Variants in TMEM17 observed in about 807,000 individuals in gnomAD.
TMEM17 encodes transmembrane protein 17.
A neutral mutation model predicts 19.1 loss-of-function variants in TMEM17; 15 were observed. The observed-to-expected ratio is 0.78, with a 90% CI of 0.52 to 1.21. TMEM17 has a LOEUF of 1.21. Ranked by LOEUF, TMEM17 falls within the 50% of genes most tolerant of loss-of-function variation. The pLI is 0.00. For missense variants in TMEM17, 245 were observed against 242.3 expected (o/e 1.01, Z -0.07); for synonymous variants, 103 against 86.9 (o/e 1.19, Z -1.03).
chr2:62,483,065 T>G, the TMEM17 span, among the ~76,000 whole-genome samples: 31 of 152,342 alleles, frequency 2.0e-4, no homozygotes, highest in African/African-American at 6.7e-4. Flanking sequence ...GAGTTATGTC[T>G]AATACGAAGG....
chr2:62,481,291 T>C, the TMEM17 span, among the ~76,000 whole-genome samples: 2 of 152,234 alleles, frequency 1.3e-5, no homozygotes, highest in African/African-American at 4.8e-5. Context: ...ATTTATTTTG[T>C]GCCCTGCAAC....
the TMEM17 span, among the ~76,000 whole-genome samples, chr2:62,473,162 C>G: frequency 6.6e-6 from 1 of 152,198 alleles, no homozygotes; most frequent in Non-Finnish European, 1.5e-5. Flanking sequence ...TATTATGCAT[C>G]AGGCACTGTT....
chr2:62,499,628 A>G (rs1489880581), downstream of TMEM17, among the ~76,000 whole-genome samples: 4 of 152,208 alleles, frequency 2.6e-5, no homozygotes, highest in Non-Finnish European at 5.9e-5. Context: ...GGAAGTAAAG[A>G]CATTTTTTGA....
the TMEM17 span, among the ~76,000 whole-genome samples, chr2:62,465,276 G>A: frequency 5.5e-4 from 84 of 152,192 alleles, no homozygotes; most frequent in Non-Finnish European, 9.8e-4. Flanking sequence ...ATTTTGCAAT[G>A]GCAGTTTCAT....
the TMEM17 span, among the ~76,000 whole-genome samples, chr2:62,485,578 A>G: frequency 6.6e-6 from 1 of 152,208 alleles, no homozygotes; most frequent in Non-Finnish European, 1.5e-5. Context: ...CTTGCTTTAT[A>G]CAACAGAAGA....
chr2:62,458,101 G>C, the TMEM17 span, among the ~76,000 whole-genome samples: 1 of 152,158 alleles, frequency 6.6e-6, no homozygotes, highest in Non-Finnish European at 1.5e-5. Flanking sequence ...CTGCAGATGG[G>C]GAAGCTAACA....
chr2:62,471,217 G>C, the TMEM17 span, among the ~76,000 whole-genome samples: 3 of 152,264 alleles, frequency 2.0e-5, no homozygotes, highest in Non-Finnish European at 4.4e-5. Flanking sequence ...AAAATGTCCT[G>C]GCCCGTCTTG....
chr2:62,498,343 C>T (rs1228219034), downstream of TMEM17, among the ~76,000 whole-genome samples: 2 of 151,636 alleles, frequency 1.3e-5, no homozygotes, highest in Non-Finnish European at 2.9e-5. Context: ...GCCGAGATCA[C>T]GCCACTGCAC....
At chr2:62,494,843 C>T in the TMEM17 span, among the ~76,000 whole-genome samples, 1 of 151,474 alleles carries the variant, frequency 6.6e-6, no homozygotes, top group South Asian at 2.1e-4. Context: ...CTCTACTAAA[C>T]ACACACACAC....
At chr2:62,455,959 T>A in the TMEM17 span, among the ~76,000 whole-genome samples, 1 of 152,218 alleles carries the variant, frequency 6.6e-6, no homozygotes, top group Non-Finnish European at 1.5e-5. Context: ...TGCTAATGAT[T>A]TTGTGCATTT....
chr2:62,494,910 G>A, the TMEM17 span, among the ~76,000 whole-genome samples: 2 of 152,186 alleles, frequency 1.3e-5, no homozygotes, highest in African/African-American at 2.4e-5. Context: ...CAGCTACCGG[G>A]AGGCTGAGGC....
the TMEM17 span, among the ~76,000 whole-genome samples, chr2:62,475,250 C>A: frequency 3.9e-5 from 6 of 152,216 alleles, no homozygotes; most frequent in Non-Finnish European, 1.5e-5. Flanking sequence ...AGCACAGATG[C>A]TAATTTGGGA....
chr2:62,468,915 C>T, the TMEM17 span, among the ~76,000 whole-genome samples: 1 of 152,156 alleles, frequency 6.6e-6, no homozygotes, highest in African/African-American at 2.4e-5. Context: ...CAAAGGTAAC[C>T]TAGAAGCCCA....
chr2:62,457,312 C>T, the TMEM17 span, among the ~76,000 whole-genome samples: 7 of 152,198 alleles, frequency 4.6e-5, no homozygotes, highest in Non-Finnish European at 1.0e-4. This position sits in a 1 kb window ranked among gnomAD's most constrained non-coding sequence, Gnocchi z 4.2. Flanking sequence ...CAGAGACTGC[C>T]TTGGGTGTGG....
the TMEM17 span, among the ~76,000 whole-genome samples, chr2:62,460,069 T>C: frequency 6.6e-6 from 1 of 152,232 alleles, no homozygotes; most frequent in Non-Finnish European, 1.5e-5. Context: ...TCATGCCTGT[T>C]ACTGTGAGTA....
intron 1 of TMEM17, among the ~76,000 whole-genome samples, chr2:62,504,604 C>G (rs868795869): frequency 3.3e-5 from 5 of 152,056 alleles, no homozygotes; most frequent in Admixed American, 6.5e-5. Flanking sequence ...GTAAATGAAC[C>G]TTAAAAGCGT....
At position 62,501,372 on chromosome 2, in the gene TMEM17, A is replaced by G. The variant is rs1010947069; in HGVS notation, c.434T>C (p.Ile145Thr). The G allele has an allele frequency of 6.2e-7, 1 of 1,614,228 alleles. No individual in the cohort carries two copies. The highest frequency in any genetic ancestry group is 8.5e-7 in the Non-Finnish European group (1 of 1,180,036). ...TNLPLEKAIH[I>T]IFTLFLAFQV... is the part of the protein sequence containing the mutation. ...GAAAGCAAGGAAGAGAGTGAAGATG[A>G]TATGTATCGCTTTTTCCAAGGGCAG... Residue 145 changes from isoleucine (I) to threonine (T), a missense_variant, in exon 4 of 4, where the codon ATC (isoleucine) becomes ACC (threonine). Physicochemically the swap from Ile to Thr is moderately conservative, Grantham distance 89. Transcript: ENST00000335390.
the TMEM17 span, among the ~76,000 whole-genome samples, chr2:62,466,609 C>A: frequency 2.6e-5 from 4 of 152,284 alleles, no homozygotes; most frequent in Admixed American, 6.5e-5. Flanking sequence ...ATGCCACCCT[C>A]CCTGAGCTGG....
the TMEM17 span, among the ~76,000 whole-genome samples, chr2:62,482,813 C>T: frequency 6.6e-6 from 1 of 152,180 alleles, no homozygotes; most frequent in East Asian, 1.9e-4. Flanking sequence ...GTTTTCTGTG[C>T]TCTTGAATCA....
Sources: gnomAD v4.1 joint callset for allele counts (sites outside exome capture counted in the v4.1 genomes callset) on GRCh38, gnomAD v4.1.1 for gene constraint, Gnocchi (gnomAD v3.1) non-coding constraint, MANE v1.5 for transcripts, NCBI Gene and HGNC (gene_info 2026-07-23, HGNC 2026-07-21) for gene names.